GRK3: variants seen among roughly 807,000 people sequenced by gnomAD.
GRK3 encodes G protein-coupled receptor kinase 3.
GRK3 carries 54 observed loss-of-function variants against 95.7 expected under a neutral mutation model. That is an observed-to-expected ratio of 0.56 (90% CI 0.45 to 0.71). The LOEUF is 0.71. Among genes scored for constraint, GRK3 ranks in the 30% least tolerant of loss-of-function variants. GRK3 has a pLI of 0.00. For missense variants in GRK3, 649 were observed against 851.2 expected, an observed-to-expected ratio of 0.76 and a Z score of 2.96; for synonymous variants, 281 against 290.8, an observed-to-expected ratio of 0.97 and a Z score of 0.34.
At chr22:25,610,114 G>GTGCTGGGAT (rs2084485419) in intron 2 of GRK3, among the ~76,000 whole-genome samples, 1 of 152,036 alleles carries the variant, frequency 6.6e-6, no homozygotes, top group Non-Finnish European at 1.5e-5. Flanking sequence ...GCCTCCCAAA[G>GTGCTGGGAT]TGCTGGGATT....
intron 1 of GRK3, chr22:25,580,571 T>C (rs1047218220): frequency 1.3e-5 from 2 of 152,298 alleles, no homozygotes; most frequent in Non-Finnish European, 2.9e-5. Context: ...TTTGCTCTTG[T>C]TGCCCAGGCT....
At chr22:25,667,672 A>G in intron 5 of GRK3, 67 bp from the exon 6 acceptor site, 5 of 1,160,796 alleles carry the variant, frequency 4.3e-6, no homozygotes, top group Non-Finnish European at 6.5e-6. Context: ...CCTGAGTCTC[A>G]TTGGTTTGTG....
chr22:25,603,705 A>C (rs2146339651), intron 1 of GRK3, among the ~76,000 whole-genome samples: 1 of 152,324 alleles, frequency 6.6e-6, no homozygotes, highest in South Asian at 2.1e-4. Flanking sequence ...GGTAGACTTC[A>C]AACTTTTACA....
At position 25,584,008 on chromosome 22, in the gene GRK3, G is replaced by A. The variant is rs573511337; in HGVS notation, c.113+18855G>A. On this transcript the variant is annotated intron_variant, in intron 1 of 20. Coordinates refer to ENST00000324198, the MANE Select transcript of GRK3 (RefSeq NM_005160.4). ...TATGTGAGAAAAATACTAGAGAAAA[G>A]CTAATGATTTATTAATGAGTAAGGA... is the stretch of plus-strand genomic sequence containing the variant. 5.3e-5 allele frequency among the ~76,000 whole-genome samples: 8 copies of A among 152,334 alleles called. No individual in the cohort carries two copies. In the South Asian group the frequency reaches 1.7e-3, roughly 32 times the overall value.
chr22:25,682,531 C>A (rs1345723360), intron 9 of GRK3, among the ~76,000 whole-genome samples: 4 of 152,126 alleles, frequency 2.6e-5, no homozygotes, highest in Admixed American at 2.6e-4. Flanking sequence ...AATGCAAATT[C>A]TGTTTACAGA....
At chr22:25,687,738 A>G in intron 11 of GRK3, 71 bp downstream of exon 11, 1 of 1,547,266 alleles carries the variant, frequency 6.5e-7, no homozygotes, top group Non-Finnish European at 8.9e-7. Flanking sequence ...GTCCCCTTCT[A>G]TTTCATAGAG....
At position 25,668,100 on chromosome 22, in the gene GRK3, C is replaced by A. The variant is rs1197488677; in HGVS notation, c.503+300C>A. Among the ~76,000 whole-genome samples the A allele has an allele frequency of 2.0e-5, 3 of 152,268 alleles. No individual in the cohort carries two copies. The East Asian group carries it at 5.8e-4, about 29-fold the overall frequency. On this transcript the variant is annotated intron_variant, in intron 6 of 20. Coordinates refer to ENST00000324198, the MANE Select transcript of GRK3 (RefSeq NM_005160.4). ...TATTGAGAGACCTTTGCTAATAATG[C>A]AAACTTGACTATAATTTATCTGATT...
chr22:25,642,161 G>A (rs909270974), intron 2 of GRK3, among the ~76,000 whole-genome samples: 5 of 152,204 alleles, frequency 3.3e-5, no homozygotes, highest in African/African-American at 7.2e-5. Context: ...ATGGCCGCGC[G>A]GTGGCTCACG....
chr22:25,719,307 G>T (rs2085412498), intron 19 of GRK3, among the ~76,000 whole-genome samples: 1 of 152,162 alleles, frequency 6.6e-6, no homozygotes, highest in South Asian at 2.1e-4. Flanking sequence ...AAACACAACT[G>T]GACAGTTAGG....
chr22:25,661,597 G>T lies in GRK3; in HGVS notation c.286G>T (p.Asp96Tyr), dbSNP rs142351304. 5 of 1,611,824 alleles carry T rather than the reference G, an allele frequency of 3.1e-6. No homozygotes were observed. The highest frequency in any genetic ancestry group is 2.5e-6 in the Non-Finnish European group (3 of 1,178,504). ...CTAGATAAAGGAATATGAAAAACTT[G>T]ATAATGAGGAAGACCGCCTTTGCAG... ...YEEIKEYEKL[D>Y]NEEDRLCRSR... The change falls in exon 4 of 21, where the codon GAT becomes TAT. Residue 96 changes from aspartate (D) to tyrosine (Y), a missense_variant. Physicochemically the swap from Asp to Tyr is radical, Grantham distance 160. Transcript: ENST00000324198.
intron 15 of GRK3, among the ~76,000 whole-genome samples, chr22:25,705,192 A>T (rs1049301001): frequency 1.3e-5 from 2 of 152,206 alleles, no homozygotes; most frequent in African/African-American, 4.8e-5. Context: ...CTCACTCATT[A>T]CTGTCTCTGT....
chr22:25,705,445 A>G (rs2085292326), intron 15 of GRK3, among the ~76,000 whole-genome samples: 1 of 152,212 alleles, frequency 6.6e-6, no homozygotes, highest in Admixed American at 6.5e-5. Context: ...ATCATAATCA[A>G]TCATAATCAA....
At chr22:25,659,918 A>G (rs772511132) in intron 3 of GRK3, among the ~76,000 whole-genome samples, 4 of 152,196 alleles carry the variant, frequency 2.6e-5, no homozygotes, top group Non-Finnish European at 5.9e-5. Context: ...GCATTTGTTT[A>G]ACCAGGTGTC....
intron 12 of GRK3, among the ~76,000 whole-genome samples, chr22:25,693,919 G>A (rs2085185957): frequency 6.6e-6 from 1 of 151,802 alleles, no homozygotes; most frequent in Admixed American, 6.6e-5. Flanking sequence ...AGCCTCCCGA[G>A]TAACTGGGAT....
At chr22:25,718,817 G>A (rs1408619904) in intron 19 of GRK3, among the ~76,000 whole-genome samples, 1 of 152,156 alleles carries the variant, frequency 6.6e-6, no homozygotes, top group Non-Finnish European at 1.5e-5. Context: ...AACAACTGCA[G>A]TCAGCCCTCC....
rs558014484 is a variant in GRK3, at chr22:25,700,585, G to A, written c.1161-2925G>A. Among the ~76,000 whole-genome samples, 233 of 152,222 alleles carry A rather than the reference G, an allele frequency of 1.5e-3. 1 individual carries two copies. The highest frequency in any genetic ancestry group is 2.3e-3 in the Non-Finnish European group (155 of 68,002). On this transcript the variant is annotated intron_variant, in intron 13 of 20. Transcript: ENST00000324198. ...TTTAATATAACATGCCATCTTTTGG[G>A]TATTTTATTTTATTTTATTTGAGAC... is the stretch of plus-strand genomic sequence containing the variant.
intron 9 of GRK3, among the ~76,000 whole-genome samples, chr22:25,681,729 G>T (rs1482657038): frequency 6.6e-6 from 1 of 152,160 alleles, no homozygotes; most frequent in African/African-American, 2.4e-5. Context: ...TTTTATCACA[G>T]TTTTTTTATG....
At chr22:25,612,047 G>A (rs2084501918) in intron 2 of GRK3, among the ~76,000 whole-genome samples, 1 of 151,924 alleles carries the variant, frequency 6.6e-6, no homozygotes, top group Admixed American at 6.6e-5. Flanking sequence ...GGCCCAGGCT[G>A]GTCACGATCT....
intron 2 of GRK3, among the ~76,000 whole-genome samples, chr22:25,621,034 A>G (rs111831415): frequency 1.3e-5 from 2 of 152,372 alleles, no homozygotes; most frequent in African/African-American, 4.8e-5. Context: ...TTCCTTTACT[A>G]TACTAGAGGT....
Sources: gnomAD v4.1 joint callset for allele counts (sites outside exome capture counted in the v4.1 genomes callset) on GRCh38, gnomAD v4.1.1 for gene constraint, MANE v1.5 for transcripts, NCBI Gene and HGNC (gene_info 2026-07-23, HGNC 2026-07-21) for gene names.